Variants in MZF1 observed in about 807,000 individuals in gnomAD.
MZF1 encodes the protein zinc finger and SCAN domain-containing protein 6.
Under a neutral mutation model 28.6 loss-of-function variants are expected in MZF1, and 24 were observed. The ratio of observed to expected loss-of-function variants is 0.84; its 90% CI spans 0.61 to 1.18. The LOEUF (loss-of-function observed/expected upper bound fraction) is 1.18. MZF1 is among the 50% of genes most tolerant of loss of function. The pLI is 0.00. For synonymous variants in MZF1, 516 were observed against 432.5 expected (o/e 1.19, Z -2.40); for missense variants, 1,166 against 1,026.4 (o/e 1.14, Z -1.86).
At position 58,569,380 on chromosome 19, in the gene MZF1, C is replaced by T. The variant is rs147408852; in HGVS notation, c.669G>A (p.Leu223=). Residue 223 remains leucine, a synonymous_variant, in exon 5 of 6, where the codon CTG becomes CTA. Coordinates refer to ENST00000215057, the MANE Select transcript of MZF1 (RefSeq NM_198055.2). The part of the protein sequence containing the change: ...PEEAQRCGTV[L]DQIFPHSKTG... ...TCTTGCTGTGGGGAAAGATCTGGTC[C>T]AGCACGGTCCCACATCTCTGAAATC... The T allele has an allele frequency of 1.2e-6, 2 of 1,614,058 alleles. No homozygotes were observed. The highest frequency in any genetic ancestry group is 1.7e-6 in the Non-Finnish European group (2 of 1,179,968).
At chr19:58,570,835 C>T (rs2054146056) in intron 2 of MZF1, 159 bp downstream of exon 2, 1 of 777,256 alleles carries the variant, frequency 1.3e-6, no homozygotes. Flanking sequence ...GCCCTGGAAT[C>T]CCTCTGCCCT....
chr19:58,571,557 A>ATT (rs2054164361), intron 1 of MZF1, 128 bp from the exon 2 acceptor site: 2 of 870,184 alleles, frequency 2.3e-6, no homozygotes, highest in Non-Finnish European at 3.4e-6. Flanking sequence ...ACAGGCAAAG[A>ATT]AAGGCCATCT....
chr19:58,570,577 C>A, intron 2 of MZF1, 50 bp from the exon 3 acceptor site: 1 of 1,565,570 alleles, frequency 6.4e-7, no homozygotes, highest in Admixed American at 1.8e-5. Flanking sequence ...GTAAGGCTGG[C>A]CGCAACCTGG....
Position 58,571,098 on chromosome 19 carries a change from G to C in MZF1, c.292C>G (p.Pro98Ala), listed in dbSNP as rs1181987770. The C allele has an allele frequency of 1.3e-5, 21 of 1,613,764 alleles. No homozygotes were observed. The highest frequency in any genetic ancestry group is 8.9e-5 in the East Asian group (4 of 44,896). Residue 98 changes from proline to alanine, a missense_variant, in exon 2 of 6, where the codon CCT becomes GCT. Pro to Ala is a conservative substitution (Grantham distance 27, BLOSUM62 -1). Transcript: ENST00000215057. ...VLEQFLGALPPEIQARVQGQR... is the reference protein window; with the variant it reads ...VLEQFLGALPAEIQARVQGQR... Reference sequence around the variant, plus strand: ...CCCTGCACACGGGCCTGGATCTCAGGGGGCAGTGCGCCCAGGAACTGCTCC... The same window carrying C: ...CCCTGCACACGGGCCTGGATCTCAGCGGGCAGTGCGCCCAGGAACTGCTCC...
At chr19:58,570,111 T>G (rs1600107998) in intron 3 of MZF1, 7 of 462,562 alleles carry the variant, frequency 1.5e-5, no homozygotes, top group East Asian at 1.4e-4. Flanking sequence ...CTCCATGCCA[T>G]GGGGTTCGTG....
intron 5 of MZF1, among the ~76,000 whole-genome samples, chr19:58,566,160 G>C (rs1600102549): frequency 6.8e-6 from 1 of 146,052 alleles, no homozygotes; most frequent in East Asian, 2.1e-4. Context: ...AAAAGAAGAG[G>C]AATGGGCCAG....
chr19:58,572,719 C>A, intron 1 of MZF1: 1 of 959,020 alleles, frequency 1.0e-6, no homozygotes, highest in South Asian at 1.4e-5. Context: ...AACCTGAAAC[C>A]CTGGGAGAGA....
Position 58,571,095 on chromosome 19 carries a change from C to T in MZF1, c.295G>A (p.Glu99Lys), listed in dbSNP as rs771328495. 6 of 1,613,794 alleles carry T rather than the reference C, an allele frequency of 3.7e-6. No homozygotes were observed. The highest frequency in any genetic ancestry group is 5.1e-6 in the Non-Finnish European group (6 of 1,180,006). ...TGCCCCTGCACACGGGCCTGGATCT[C>T]AGGGGGCAGTGCGCCCAGGAACTGC... ...LEQFLGALPP[E>K]IQARVQGQRP... is the part of the protein sequence containing the mutation. Residue 99 changes from glutamate to lysine, a missense_variant, in exon 2 of 6, where the codon GAG becomes AAG. Physicochemically the swap from Glu to Lys is moderately conservative, Grantham distance 56 (BLOSUM62 1). Transcript: ENST00000215057.
chr19:58,570,846 GGGCAGCCT>G, intron 2 of MZF1, 140 bp downstream of exon 2: 1 of 858,930 alleles, frequency 1.2e-6, no homozygotes, highest in Non-Finnish European at 1.8e-6. Flanking sequence ...CCTCTGCCCT[GGGCAGCCT>G]TGCACAGGGT....
rs1235041080 is a variant in MZF1 at position 58,571,215 on chromosome 19, G to GGGGCCCTGTGGCCTCCTC, written c.157_174dup (p.Glu53_Pro58dup). 3.1e-6 allele frequency: 5 copies of GGGGCCCTGTGGCCTCCTC among 1,612,524 alleles called. No individual in the cohort carries two copies. Among genetic ancestry groups the GGGGCCCTGTGGCCTCCTC allele is most frequent in the Non-Finnish European group, 4.2e-6 (5 of 1,179,312 alleles). On this transcript the variant is annotated inframe_insertion, in exon 2 of 6. Coordinates refer to ENST00000215057, the MANE Select transcript of MZF1 (RefSeq NM_198055.2). Reference sequence around the variant, plus strand: ...TCTCGGAGCTGGGCCAGGGCCTCTTGGGGCCCTGTGGCCTCCTCATAGCGG... The same window carrying GGGGCCCTGTGGCCTCCTC: ...TCTCGGAGCTGGGCCAGGGCCTCTTGGGGCCCTGTGGCCTCCTCGGGCCCTGTGGCCTCCTCATAGCGG...
chr19:58,571,359 G>T lies in MZF1; in HGVS notation c.31C>A (p.Arg11=). 1 of 1,614,166 alleles carries T rather than the reference G, an allele frequency of 6.2e-7. No individual in the cohort carries two copies. The highest frequency in any genetic ancestry group is 1.1e-5 in the South Asian group (1 of 91,082). MRPAVLGSPD[R]APPEDEGPVM... ...GGCCCCTCATCTTCTGGGGGTGCTC[G>T]GTCTGGGGAGCCCAGCACCGCAGGC... is the stretch of plus-strand genomic sequence containing the variant. The change falls in exon 2 of 6, where the codon CGA becomes AGA. Residue 11 remains arginine (R), a synonymous_variant. Transcript: ENST00000215057.
At chr19:58,565,601 C>T (rs1218277588) in intron 5 of MZF1, among the ~76,000 whole-genome samples, 1 of 151,870 alleles carries the variant, frequency 6.6e-6, no homozygotes, top group African/African-American at 2.4e-5. Context: ...GGCGCCATCT[C>T]AGCTCACTGC....
chr19:58,562,417 G>A lies in MZF1; in HGVS notation c.1860C>T (p.Thr620=). ...CACCGCAGTGGTAGGGCTTTTCGCC[G>A]GTGTGTGTCCTCTGATGACGCGTGA... is the stretch of plus-strand genomic sequence containing the variant. ...LKLTRHQRTH[T]GEKPYHCGEC... Residue 620 remains threonine, a synonymous_variant, in exon 6 of 6, where the codon ACC becomes ACT. Transcript: ENST00000215057. The A allele has an allele frequency of 6.2e-7, 1 of 1,609,636 alleles. No homozygotes were observed. Among genetic ancestry groups the A allele is most frequent in the South Asian group, 1.1e-5 (1 of 90,644 alleles).
rs779824275 is a variant in MZF1, at chr19:58,562,354, G to T, written c.1923C>A (p.Thr641=). The change falls in exon 6 of 6, where the codon ACC becomes ACA. Residue 641 remains threonine, a synonymous_variant. Coordinates refer to ENST00000215057, the MANE Select transcript of MZF1 (RefSeq NM_198055.2). ...CGCCCGTGTGGATGCGCTGGTGCTCGGTGAGCCGCGAGACCTGCGTGAAGC... is the reference window on the plus strand; with the variant it reads ...CGCCCGTGTGGATGCGCTGGTGCTCTGTGAGCCGCGAGACCTGCGTGAAGC... ...GLGFTQVSRL[T]EHQRIHTGER... The T allele has an allele frequency of 1.3e-6, 2 of 1,576,342 alleles. No individual in the cohort carries two copies. The highest frequency in any genetic ancestry group is 2.3e-5 in the South Asian group (2 of 88,424).
intron 1 of MZF1, chr19:58,572,506 T>C (rs1399169844): frequency 7.9e-7 from 1 of 1,262,626 alleles, no homozygotes; most frequent in East Asian, 5.6e-5. Context: ...TTCAGATCAC[T>C]GTGCCTTCGA....
chr19:58,562,665 C>A lies in MZF1; in HGVS notation c.1612G>T (p.Glu538Ter), dbSNP rs773152561. 1 of 1,543,038 alleles carries A rather than the reference C, an allele frequency of 6.5e-7. No individual in the cohort carries two copies. Among genetic ancestry groups the A allele is most frequent in the Non-Finnish European group, 8.7e-7 (1 of 1,150,384 alleles). Reference sequence around the variant, plus strand: ...CACTCGGCACAGGCGAAGGGCCGCTCGCCACTGTGCACGCGCCGGTGCTGC... The same window carrying A: ...CACTCGGCACAGGCGAAGGGCCGCTAGCCACTGTGCACGCGCCGGTGCTGC... ...LLQHRRVHSG[E>*]RPFACAECGQ... The change falls in exon 6 of 6, where the codon GAG (glutamate) becomes TAG (stop). Residue 538 changes from glutamate to a stop codon, truncating the protein, a stop_gained. Transcript: ENST00000215057. LOFTEE classifies it low-confidence loss of function (END_TRUNC).
At chr19:58,570,806 G>A (rs2054145563) in intron 2 of MZF1, 188 bp downstream of exon 2, 1 of 683,930 alleles carries the variant, frequency 1.5e-6, no homozygotes, top group African/African-American at 1.8e-5. Flanking sequence ...GGTGATGCAG[G>A]AATGGGCTGG....
chr19:58,563,497 C>A lies in MZF1; in HGVS notation c.780G>T (p.Ala260=). 6.5e-7 allele frequency: 1 copy of A among 1,542,068 alleles called. No homozygotes were observed. Among genetic ancestry groups the A allele is most frequent in the East Asian group, 2.4e-5 (1 of 41,086 alleles). ...EAGGIFSPGF[A]LQLGSISAGP... is the part of the protein sequence containing the mutation. ...CTGCGGAGATGCTGCCTAGCTGCAGCGCGAACCCTGCATACACAAGGGGAC... is the reference window on the plus strand; with the variant it reads ...CTGCGGAGATGCTGCCTAGCTGCAGAGCGAACCCTGCATACACAAGGGGAC... Residue 260 remains alanine (A), a synonymous_variant, in exon 6 of 6, where the codon GCG becomes GCT. Transcript: ENST00000215057.
At chr19:58,564,900 GTGTTTTTTTTTTTTTTTTT>G (rs1160047038) in intron 5 of MZF1, among the ~76,000 whole-genome samples, 2 of 69,354 alleles carry the variant, frequency 2.9e-5, no homozygotes, top group African/African-American at 1.4e-4. Context: ...ATCCATGTGT[GTGTTTTTTTTTTTTTTTTT>G]TTTTTTTTTT....
Sources: allele counts gnomAD v4.1 joint callset (sites outside exome capture counted in the v4.1 genomes callset), GRCh38; gene constraint gnomAD v4.1.1; transcripts MANE v1.5; gene names NCBI Gene and HGNC (gene_info 2026-07-23, HGNC 2026-07-21).